The following ANXA8 variants were observed in gnomAD, a reference collection of about 807,000 sequenced individuals.
The protein encoded by ANXA8 is annexin A8.
A neutral mutation model predicts 26.8 loss-of-function variants in ANXA8; 9 were observed. That is an observed-to-expected ratio of 0.34 (90% CI 0.20 to 0.59). ANXA8 has a LOEUF of 0.59. ANXA8 is among the 20% of genes least tolerant of loss of function. The probability of loss-of-function intolerance (pLI) is 0.84; values close to 1 mark genes in which losing one functional copy is unlikely to be tolerated. For missense variants in ANXA8, 83 were observed against 238.5 expected, an observed-to-expected ratio of 0.35 and a Z score of 4.29; for synonymous variants, 39 against 94.8, an observed-to-expected ratio of 0.41 and a Z score of 3.42.
At chr10:47,710,226 A>G in the ANXA8 span, 3 of 1,510,102 alleles carry the variant, frequency 2.0e-6, no homozygotes, top group Non-Finnish European at 2.7e-6. Context: ...CTTAGATTCC[A>G]GTGTAGTTAG....
At chr10:47,657,875 T>C in the ANXA8 span, among the ~76,000 whole-genome samples, 1 of 151,346 alleles carries the variant, frequency 6.6e-6, no homozygotes, top group Non-Finnish European at 1.5e-5. Flanking sequence ...CATAGACCTA[T>C]TTATTGGCTC....
upstream of ANXA8, among the ~76,000 whole-genome samples, chr10:47,486,032 C>A (rs1840038182): frequency 6.6e-6 from 1 of 151,656 alleles, no homozygotes; most frequent in Non-Finnish European, 1.5e-5. Context: ...TGTTTGAACC[C>A]AGGAGGCAGA....
At chr10:47,649,599 G>A in the ANXA8 span, among the ~76,000 whole-genome samples, 1 of 151,442 alleles carries the variant, frequency 6.6e-6, no homozygotes, top group Admixed American at 6.6e-5. Context: ...AGAAGAGATG[G>A]GGTTTCACCA....
the ANXA8 span, among the ~76,000 whole-genome samples, chr10:47,624,580 ATTTT>A: frequency 1.3e-5 from 1 of 76,196 alleles, no homozygotes; most frequent in South Asian, 5.2e-4. Context: ...TTGTTCATGT[ATTTT>A]TTTTCCTTTG....
At chr10:47,948,792 GA>G in the ANXA8 span, among the ~76,000 whole-genome samples, 1 of 151,294 alleles carries the variant, frequency 6.6e-6, no homozygotes, top group East Asian at 2.0e-4. Context: ...TAAGCACAAA[GA>G]AAACTATGCA....
chr10:47,534,523 C>T, the ANXA8 span, among the ~76,000 whole-genome samples: 2 of 139,858 alleles, frequency 1.4e-5, no homozygotes, highest in African/African-American at 5.4e-5. Flanking sequence ...ATCCATTGCC[C>T]ATTTACAAAT....
chr10:47,588,287 TG>T, the ANXA8 span, among the ~76,000 whole-genome samples: 1 of 113,022 alleles, frequency 8.8e-6, no homozygotes, highest in Non-Finnish European at 1.7e-5. Context: ...CCGAAGTCTT[TG>T]GAGGTTTGAT....
chr10:47,627,722 T>C, the ANXA8 span, among the ~76,000 whole-genome samples: 1 of 150,120 alleles, frequency 6.7e-6, no homozygotes, highest in South Asian at 2.1e-4. Flanking sequence ...GGGAAATTTA[T>C]AATCATTATT....
chr10:47,669,147 T>C, the ANXA8 span, among the ~76,000 whole-genome samples: 2 of 151,996 alleles, frequency 1.3e-5, no homozygotes, highest in East Asian at 3.9e-4. Context: ...AATTTTGCCT[T>C]GGTGGGAAAA....
At chr10:47,596,941 C>A in the ANXA8 span, among the ~76,000 whole-genome samples, 2 of 147,916 alleles carry the variant, frequency 1.4e-5, 1 homozygote, top group African/African-American at 5.2e-5. Context: ...CAAAATATGG[C>A]AAATACTCAC....
chr10:47,950,341 G>A, the ANXA8 span, among the ~76,000 whole-genome samples: 1 of 152,182 alleles, frequency 6.6e-6, no homozygotes, highest in Non-Finnish European at 1.5e-5. Context: ...AGAACAAGTA[G>A]AAAAAATGAA....
At chr10:47,595,393 ACACAATCT>A in the ANXA8 span, among the ~76,000 whole-genome samples, 1 of 147,400 alleles carries the variant, frequency 6.8e-6, no homozygotes, top group Non-Finnish European at 1.5e-5. Context: ...TATGACAGGA[ACACAATCT>A]CACATATCAA....
the ANXA8 span, among the ~76,000 whole-genome samples, chr10:47,977,550 A>G: frequency 6.6e-6 from 1 of 151,646 alleles, no homozygotes; most frequent in Non-Finnish European, 1.5e-5. Context: ...CTAAAGGAAA[A>G]CATGTTTAAA....
At chr10:47,980,435 T>C in the ANXA8 span, among the ~76,000 whole-genome samples, 2 of 150,588 alleles carry the variant, frequency 1.3e-5, no homozygotes. Flanking sequence ...TGGAAATAAA[T>C]AAAACGGAAT....
At chr10:47,966,538 G>A in the ANXA8 span, among the ~76,000 whole-genome samples, 1 of 148,640 alleles carries the variant, frequency 6.7e-6, no homozygotes, top group African/African-American at 2.5e-5. Context: ...ATCCTGGCCA[G>A]CTGCTGTCTC....
At chr10:47,661,101 T>G in the ANXA8 span, among the ~76,000 whole-genome samples, 1 of 135,986 alleles carries the variant, frequency 7.4e-6, no homozygotes, top group Admixed American at 7.6e-5. Context: ...TTTAGCAGCC[T>G]GAAGCCATGG....
the ANXA8 span, among the ~76,000 whole-genome samples, chr10:47,556,709 T>C: frequency 3.3e-5 from 5 of 151,838 alleles, no homozygotes. Context: ...GTCTTCAGCT[T>C]TCTTTTTGTA....
At chr10:47,679,592 G>A in the ANXA8 span, among the ~76,000 whole-genome samples, 1 of 151,996 alleles carries the variant, frequency 6.6e-6, no homozygotes, top group South Asian at 2.1e-4. Flanking sequence ...GGGTGATAAA[G>A]CATGACGGGA....
the ANXA8 span, among the ~76,000 whole-genome samples, chr10:47,533,178 A>ACACACAT: frequency 6.8e-6 from 1 of 146,026 alleles, no homozygotes; most frequent in African/African-American, 2.6e-5. Context: ...TTCCAAGTAA[A>ACACACAT]CACACATCAC....
Sources: allele counts gnomAD v4.1 joint callset (sites outside exome capture counted in the v4.1 genomes callset), GRCh38; gene constraint gnomAD v4.1.1; transcripts MANE v1.5; gene names NCBI Gene and HGNC (gene_info 2026-07-23, HGNC 2026-07-21).